DNAJC5B: variants seen among roughly 807,000 people sequenced by gnomAD.
The protein encoded by DNAJC5B is dnaJ homolog subfamily C member 5B.
Under a neutral mutation model 24.7 loss-of-function variants are expected in DNAJC5B, and 23 were observed. The ratio of observed to expected loss-of-function variants is 0.93; its 90% CI spans 0.67 to 1.32. DNAJC5B has a LOEUF of 1.32. DNAJC5B is among the 40% of genes most tolerant of loss of function. The probability of loss-of-function intolerance (pLI) is 0.00; values close to 1 mark genes in which losing one functional copy is unlikely to be tolerated. For missense variants in DNAJC5B, 238 were observed against 240.8 expected (o/e 0.99, Z 0.08); for synonymous variants, 101 against 90.1 (o/e 1.12, Z -0.68).
upstream of DNAJC5B, among the ~76,000 whole-genome samples, chr8:66,021,168 G>A (rs1348150767): frequency 2.0e-5 from 3 of 152,070 alleles, no homozygotes; most frequent in African/African-American, 7.2e-5. Context: ...TTATCCAAAT[G>A]GTCTCTTGTT....
At chr8:66,040,008 G>A (rs954196627) in intron 1 of DNAJC5B, among the ~76,000 whole-genome samples, 5 of 152,120 alleles carry the variant, frequency 3.3e-5, no homozygotes, top group Non-Finnish European at 5.9e-5. Flanking sequence ...TTGGCACATC[G>A]TAGTAGACAT....
intron 3 of DNAJC5B, chr8:66,057,770 A>G (rs1159847283): frequency 6.6e-6 from 1 of 152,242 alleles, no homozygotes; most frequent in African/African-American, 2.4e-5. Context: ...GTGACAAAAG[A>G]TTTTTCAACT....
chr8:66,071,354 GA>G (rs957977352), intron 3 of DNAJC5B, among the ~76,000 whole-genome samples: 1 of 151,886 alleles, frequency 6.6e-6, no homozygotes, highest in African/African-American at 2.4e-5. Context: ...AAATTTACAA[GA>G]AAAAAACAAA....
At chr8:66,069,791 A>G (rs987842206) in intron 3 of DNAJC5B, among the ~76,000 whole-genome samples, 9 of 152,274 alleles carry the variant, frequency 5.9e-5, no homozygotes, top group African/African-American at 2.2e-4. Flanking sequence ...CCCGATGAAC[A>G]TGGATGCAAA....
chr8:66,078,342 G>T (rs1430354371), intron 4 of DNAJC5B, among the ~76,000 whole-genome samples: 2 of 152,054 alleles, frequency 1.3e-5, no homozygotes, highest in East Asian at 3.9e-4. Context: ...CATCAGAATG[G>T]CCCTGCACGT....
At chr8:66,073,497 GTGTGTGTGTGTA>G (rs1387816488) in intron 3 of DNAJC5B, among the ~76,000 whole-genome samples, 1 of 151,986 alleles carries the variant, frequency 6.6e-6, no homozygotes, top group Admixed American at 6.6e-5. Flanking sequence ...GTGTGTGTGT[GTGTGTGTGTGTA>G]TGTGTGTGTG....
chr8:66,080,558 G>A lies in DNAJC5B; in HGVS notation c.505+10G>A, dbSNP rs767251279. ...TCTGACATGGAAAAAGGTGGGGTAGGATGAGAGCAGAGGTAGTGAGTGTCC... is the reference window on the plus strand; with the variant it reads ...TCTGACATGGAAAAAGGTGGGGTAGAATGAGAGCAGAGGTAGTGAGTGTCC... On this transcript the variant is annotated intron_variant, in intron 5 of 5. Coordinates refer to ENST00000276570, the MANE Select transcript of DNAJC5B (RefSeq NM_033105.6). 1 of 1,591,230 alleles carries A rather than the reference G, an allele frequency of 6.3e-7. No homozygotes were observed. Among genetic ancestry groups the A allele is most frequent in the Admixed American group, 1.8e-5 (1 of 57,128 alleles).
At chr8:66,039,538 CG>C (rs1358081038) in intron 1 of DNAJC5B, among the ~76,000 whole-genome samples, 1 of 151,826 alleles carries the variant, frequency 6.6e-6, no homozygotes, top group African/African-American at 2.4e-5. Flanking sequence ...TTAGTAGAGA[CG>C]GGGTTTCATC....
Position 66,100,916 on chromosome 8 carries a change from C to T in DNAJC5B, c.*885C>T, listed in dbSNP as rs1162770125. Among the ~76,000 whole-genome samples, 2 of 152,138 alleles carry T rather than the reference C, an allele frequency of 1.3e-5. No homozygotes were observed. The highest frequency in any genetic ancestry group is 2.9e-5 in the Non-Finnish European group (2 of 68,016). On this transcript the variant is annotated 3_prime_UTR_variant, in exon 6 of 6. Coordinates refer to ENST00000276570, the MANE Select transcript of DNAJC5B (RefSeq NM_033105.6). Reference sequence around the variant, plus strand: ...TGACCAGAAATTGCTCAGCTCTGTGCATGTTACACAATTTAAGCCCAGAGG... The same window carrying T: ...TGACCAGAAATTGCTCAGCTCTGTGTATGTTACACAATTTAAGCCCAGAGG...
intron 3 of DNAJC5B, among the ~76,000 whole-genome samples, chr8:66,066,381 A>T (rs1446349817): frequency 6.6e-6 from 1 of 152,230 alleles, no homozygotes; most frequent in Non-Finnish European, 1.5e-5. Flanking sequence ...ACTACTGAAT[A>T]TCTACACAAA....
At chr8:66,047,822 A>G (rs1219543987) in intron 2 of DNAJC5B, among the ~76,000 whole-genome samples, 1 of 152,202 alleles carries the variant, frequency 6.6e-6, no homozygotes, top group African/African-American at 2.4e-5. Context: ...TTTGTTGAGC[A>G]TAAAAACCCT....
At chr8:66,072,993 C>T (rs1206955119) in intron 3 of DNAJC5B, among the ~76,000 whole-genome samples, 2 of 152,078 alleles carry the variant, frequency 1.3e-5, no homozygotes, top group Non-Finnish European at 2.9e-5. Context: ...CCTGTTACAG[C>T]CACTTTTGAC....
At chr8:66,034,625 G>T (rs1358666682) in intron 1 of DNAJC5B, among the ~76,000 whole-genome samples, 1 of 151,684 alleles carries the variant, frequency 6.6e-6, no homozygotes, top group Non-Finnish European at 1.5e-5. Context: ...AGAGGTGGAG[G>T]GCATCCAAGA....
intron 1 of DNAJC5B, among the ~76,000 whole-genome samples, chr8:66,042,084 A>C (rs1806622750): frequency 6.6e-6 from 1 of 152,148 alleles, no homozygotes; most frequent in African/African-American, 2.4e-5. Context: ...ATCTCTCCAA[A>C]GTCTCACTTT....
chr8:66,053,631 C>CT (rs1349312911), intron 3 of DNAJC5B, among the ~76,000 whole-genome samples: 8,544 of 141,112 alleles, frequency 0.061, 284 homozygotes, highest in Middle Eastern at 0.13. Flanking sequence ...CTTCAACTAC[C>CT]TTTTTTTTTT....
In DNAJC5B at chr8:66,021,587, C is replaced by T. The variant is rs1200431200; in HGVS notation, c.-260C>T. Reference sequence around the variant, plus strand: ...AGTTACTGATATAGCCAAGGTGGGACACTACTGGAGGGAGCTAGAAGGGAT... The same window carrying T: ...AGTTACTGATATAGCCAAGGTGGGATACTACTGGAGGGAGCTAGAAGGGAT... On this transcript the variant is annotated 5_prime_UTR_variant, in exon 1 of 6. Coordinates refer to ENST00000276570, the MANE Select transcript of DNAJC5B (RefSeq NM_033105.6). The T allele has an allele frequency of 6.6e-6, 1 of 152,272 alleles. No homozygotes were observed. The highest frequency in any genetic ancestry group is 1.5e-5 in the Non-Finnish European group (1 of 68,096). The allele number at this position is 152,272 out of a possible 1,614,324, so 9.4% of individuals were successfully genotyped here. A position where few individuals can be genotyped will look rare whatever the true frequency, so the allele number is the denominator to read the frequency against.
At chr8:66,084,659 T>C (rs75234453) in intron 5 of DNAJC5B, among the ~76,000 whole-genome samples, 9,273 of 152,200 alleles carry the variant, frequency 0.061, 395 homozygotes, top group African/African-American at 0.11. Flanking sequence ...GCATAGAGTC[T>C]AACATAACTC....
At chr8:66,037,814 A>G (rs1806521478) in intron 1 of DNAJC5B, among the ~76,000 whole-genome samples, 2 of 152,246 alleles carry the variant, frequency 1.3e-5, no homozygotes, top group African/African-American at 4.8e-5. Context: ...TATGAAAGAG[A>G]AAACTTCAAC....
chr8:66,056,060 A>G (rs1344311178), intron 3 of DNAJC5B, among the ~76,000 whole-genome samples: 1 of 152,162 alleles, frequency 6.6e-6, no homozygotes, highest in Non-Finnish European at 1.5e-5. Flanking sequence ...AACACAAGAG[A>G]CAACCAAAAG....
Sources: gnomAD v4.1 joint callset for allele counts (sites outside exome capture counted in the v4.1 genomes callset) on GRCh38, gnomAD v4.1.1 for gene constraint, MANE v1.5 for transcripts, NCBI Gene and HGNC (gene_info 2026-07-23, HGNC 2026-07-21) for gene names.